Variants in PAX7 observed in about 807,000 individuals in gnomAD.
The protein encoded by PAX7 is paired box protein Pax-7.
A neutral mutation model predicts 50.7 loss-of-function variants in PAX7; 18 were observed. The ratio of observed to expected loss-of-function variants is 0.36; its 90% CI spans 0.25 to 0.53. The LOEUF is 0.53. PAX7 is among the 20% of genes least tolerant of loss of function. The probability of loss-of-function intolerance (pLI) is 0.93; values close to 1 mark genes in which losing one functional copy is unlikely to be tolerated. For missense variants in PAX7, 644 were observed against 702.9 expected (o/e 0.92, Z 0.95); for synonymous variants, 310 against 290.4 (o/e 1.07, Z -0.69).
intron 7 of PAX7, among the ~76,000 whole-genome samples, chr1:18,734,375 C>G (rs1486379490): frequency 6.6e-6 from 1 of 152,142 alleles, no homozygotes; most frequent in African/African-American, 2.4e-5. Context: ...AGGTTAGGTT[C>G]ACGAGGGCCT....
intron 4 of PAX7, among the ~76,000 whole-genome samples, chr1:18,663,083 G>A (rs2088623098): frequency 6.6e-6 from 1 of 152,216 alleles, no homozygotes. Context: ...TTTTGACAAA[G>A]TGGGATTGTG....
intron 6 of PAX7, among the ~76,000 whole-genome samples, chr1:18,702,349 T>A (rs1440552842): frequency 6.6e-6 from 1 of 151,446 alleles, no homozygotes; most frequent in Non-Finnish European, 1.5e-5. Flanking sequence ...AAAAAAAAAA[T>A]TAAATTTTAA....
rs866385445 is a variant in PAX7 at position 18,726,838 on chromosome 1, C to G, written c.1156-8794C>G. On this transcript the variant is annotated intron_variant, in intron 7 of 8. Transcript: ENST00000420770. This position sits in a 1 kb window ranked among gnomAD's most constrained non-coding sequence, Gnocchi z 4.8. Reference sequence around the variant, plus strand: ...TTCCAAGTCTGTATATCAAGCTGCACGTGGGAGGAGAAGAGACCCCACCAG... The same window carrying G: ...TTCCAAGTCTGTATATCAAGCTGCAGGTGGGAGGAGAAGAGACCCCACCAG... Among the ~76,000 whole-genome samples the G allele has an allele frequency of 6.6e-6, 1 of 152,292 alleles. No individual in the cohort carries two copies. The highest frequency in any genetic ancestry group is 2.1e-4 in the South Asian group (1 of 4,826).
chr1:18,731,771 T>A (rs1023664754), intron 7 of PAX7, among the ~76,000 whole-genome samples: 5 of 152,100 alleles, frequency 3.3e-5, no homozygotes, highest in Non-Finnish European at 5.9e-5. Flanking sequence ...AGATGTGGAT[T>A]TGATTTGATG....
At chr1:18,688,268 A>G (rs1213955790) in intron 4 of PAX7, among the ~76,000 whole-genome samples, 1 of 152,248 alleles carries the variant, frequency 6.6e-6, no homozygotes, top group Non-Finnish European at 1.5e-5. Context: ...AAAACAAGGA[A>G]CGTTGTTAAA....
intron 4 of PAX7, among the ~76,000 whole-genome samples, chr1:18,661,019 A>G (rs1288424495): frequency 1.3e-5 from 2 of 152,148 alleles, no homozygotes; most frequent in Non-Finnish European, 2.9e-5. Context: ...TAAAAAGCAC[A>G]CACGCATGCT....
At chr1:18,739,363 C>A (rs555193416) in intron 8 of PAX7, among the ~76,000 whole-genome samples, 1 of 152,288 alleles carries the variant, frequency 6.6e-6, no homozygotes, top group East Asian at 1.9e-4. Flanking sequence ...TAGACACACA[C>A]GCAGAGAGAG....
At chr1:18,699,609 G>T (rs1230558135) in intron 5 of PAX7, among the ~76,000 whole-genome samples, 1 of 149,900 alleles carries the variant, frequency 6.7e-6, no homozygotes, top group Non-Finnish European at 1.5e-5. Flanking sequence ...CGCCCAGGCT[G>T]GAGTGCAGTG....
chr1:18,748,146 A>G lies in PAX7; in HGVS notation c.*3217A>G. 4.5e-6 allele frequency: 1 copy of G among 220,192 alleles called. No homozygotes were observed. The highest frequency in any genetic ancestry group is 2.2e-5 in the African/African-American group (1 of 44,782). The allele number at this position is 220,192 out of a possible 1,614,324, so 13.6% of individuals were successfully genotyped here. A position where few individuals can be genotyped will look rare whatever the true frequency, so the allele number is the denominator to read the frequency against. Reference sequence around the variant, plus strand: ...GAGAAGAAAAGAAGAATGGAGAGAGAGGTTTGCCCAGAAGGAAAACGAAGA... The same window carrying G: ...GAGAAGAAAAGAAGAATGGAGAGAGGGGTTTGCCCAGAAGGAAAACGAAGA... On this transcript the variant is annotated 3_prime_UTR_variant, in exon 9 of 9. Coordinates refer to ENST00000420770, the MANE Select transcript of PAX7 (RefSeq NM_001135254.2).
intron 7 of PAX7, among the ~76,000 whole-genome samples, chr1:18,730,016 C>G (rs965646145): frequency 1.1e-4 from 17 of 152,106 alleles, no homozygotes; most frequent in Non-Finnish European, 5.9e-5. Flanking sequence ...CAGGCAAGGT[C>G]CCTGAGCCAC....
intron 4 of PAX7, among the ~76,000 whole-genome samples, chr1:18,671,472 G>A (rs2088747853): frequency 6.6e-6 from 1 of 152,192 alleles, no homozygotes; most frequent in African/African-American, 2.4e-5. Context: ...GCCTGGAAGG[G>A]GAAGAAAGCC....
At position 18,636,423 on chromosome 1, in the gene PAX7, C is replaced by A. The variant is rs761578339; in HGVS notation, c.586+52C>A. ...CCCCAGCCCGGGTTTTCCCACGCTC[C>A]GGTGTGCGGGCCAGTGGTTCGCTCC... On this transcript the variant is annotated intron_variant, in intron 4 of 8. Transcript: ENST00000420770. The surrounding 1 kb of genome is among the most constrained non-coding windows in gnomAD (Gnocchi z 5.1). 6.3e-7 allele frequency: 1 copy of A among 1,597,552 alleles called. No homozygotes were observed. The highest frequency in any genetic ancestry group is 8.5e-7 in the Non-Finnish European group (1 of 1,169,906).
In PAX7 at chr1:18,735,522, G is replaced by A. The variant is rs890058033; in HGVS notation, c.1156-110G>A. On this transcript the variant is annotated intron_variant, in intron 7 of 8. Coordinates refer to ENST00000420770, the MANE Select transcript of PAX7 (RefSeq NM_001135254.2). This position sits in a 1 kb window ranked among gnomAD's most constrained non-coding sequence, Gnocchi z 4.0. ...CCTCGAAGCTACAGAGACTTCAAGG[G>A]AACAACTCTGGCAAAGAGTGTTCCA... 2.0e-6 allele frequency: 3 copies of A among 1,513,880 alleles called. No homozygotes were observed. The highest frequency in any genetic ancestry group is 2.8e-5 in the African/African-American group (2 of 71,870). 93.8% of individuals were successfully genotyped at this position (1,513,880 alleles called of 1,614,324 possible). A position where few individuals can be genotyped will look rare whatever the true frequency, so the allele number is the denominator to read the frequency against.
Position 18,677,766 on chromosome 1 carries a change from G to A in PAX7, c.587-13988G>A, listed in dbSNP as rs79979817. Among the ~76,000 whole-genome samples the A allele has an allele frequency of 5.2e-3, 790 of 152,256 alleles. 8 individuals are homozygous for A. The highest frequency in any genetic ancestry group is 0.017 in the African/African-American group (702 of 41,546). On this transcript the variant is annotated intron_variant, in intron 4 of 8. Coordinates refer to ENST00000420770, the MANE Select transcript of PAX7 (RefSeq NM_001135254.2). ...CCGTGGCTTCTTTATTTAACTGATG[G>A]CTGCAGTTCCTTTAGACTGTGATTA...
Position 18,636,359 on chromosome 1 carries a change from C to T in PAX7, c.574C>T (p.Leu192=). The T allele has an allele frequency of 6.2e-7, 1 of 1,614,208 alleles. No homozygotes were observed. Among genetic ancestry groups the T allele is most frequent in the African/African-American group, 1.3e-5 (1 of 75,080 alleles). The change falls in exon 4 of 9, where the codon CTG becomes TTG. Residue 192 remains leucine, a synonymous_variant. Coordinates refer to ENST00000420770, the MANE Select transcript of PAX7 (RefSeq NM_001135254.2). This position sits in a 1 kb window ranked among gnomAD's most constrained non-coding sequence, Gnocchi z 5.1. Reference sequence around the variant, plus strand: ...GGCCAAACACAGCATCGACGGCATCCTGGGCGACAAAGGTAGGGAACTTCC... The same window carrying T: ...GGCCAAACACAGCATCGACGGCATCTTGGGCGACAAAGGTAGGGAACTTCC... ...KKAKHSIDGI[L]GDKGNRLDEG...
chr1:18,686,132 C>T (rs2088971354), intron 4 of PAX7, among the ~76,000 whole-genome samples: 1 of 152,214 alleles, frequency 6.6e-6, no homozygotes, highest in Admixed American at 6.5e-5. Flanking sequence ...GTGTTTCCTC[C>T]ACTGGACTGG....
Position 18,631,021 on chromosome 1 carries a change from G to A in PAX7, c.-583G>A. ...ACGGGGCTGTGAAAGCTGGTGTGGA[G>A]GGAGAAGCGAGTGTGGTCCGGAGAA... On this transcript the variant is annotated 5_prime_UTR_variant, in exon 1 of 9. Transcript: ENST00000420770. 4.4e-6 allele frequency: 1 copy of A among 226,604 alleles called. No homozygotes were observed. The highest frequency in any genetic ancestry group is 6.2e-5 in the East Asian group (1 of 16,002). The allele number at this position is 226,604 out of a possible 1,614,324, so 14.0% of individuals were successfully genotyped here.
Position 18,631,602 on chromosome 1 carries a change from G to C in PAX7, c.-2G>C. The C allele has an allele frequency of 6.2e-7, 1 of 1,612,078 alleles. No homozygotes were observed. The highest frequency in any genetic ancestry group is 8.5e-7 in the Non-Finnish European group (1 of 1,179,452). On this transcript the variant is annotated 5_prime_UTR_variant, in exon 1 of 9. Coordinates refer to ENST00000420770, the MANE Select transcript of PAX7 (RefSeq NM_001135254.2). ...TTGGATTCGTCCCCGGCGTGCGCAA[G>C]AATGGCGGCCCTTCCCGGCACGGTA... is the stretch of plus-strand genomic sequence containing the variant.
chr1:18,693,156 C>G (rs1378287480), intron 5 of PAX7, among the ~76,000 whole-genome samples: 2 of 152,246 alleles, frequency 1.3e-5, no homozygotes, highest in Non-Finnish European at 2.9e-5. Flanking sequence ...GGGGAAAGAT[C>G]CCCATTACCA....
Sources: allele counts gnomAD v4.1 joint callset (sites outside exome capture counted in the v4.1 genomes callset), GRCh38; gene constraint gnomAD v4.1.1; non-coding constraint Gnocchi (gnomAD v3.1); transcripts MANE v1.5; gene names NCBI Gene and HGNC (gene_info 2026-07-23, HGNC 2026-07-21).